Variants in NKAIN3 observed in about 807,000 individuals in gnomAD.
NKAIN3 encodes the protein sodium/potassium transporting ATPase interacting 3, also known as sodium/potassium-transporting ATPase subunit beta-1-interacting protein 3.
A neutral mutation model predicts 30.2 loss-of-function variants in NKAIN3; 25 were observed. The ratio of observed to expected loss-of-function variants is 0.83; its 90% CI spans 0.60 to 1.16. NKAIN3 has a LOEUF of 1.16. Ranked by LOEUF, NKAIN3 falls within the 50% of genes most tolerant of loss-of-function variation. NKAIN3 has a pLI of 0.00. For synonymous variants in NKAIN3, 91 were observed against 89.6 expected, an observed-to-expected ratio of 1.02 and a Z score of -0.09; for missense variants, 225 against 254.1, an observed-to-expected ratio of 0.89 and a Z score of 0.78.
At chr8:62,864,154 C>A (rs1586284257) in intron 4 of NKAIN3, 1 of 624,840 alleles carries the variant, frequency 1.6e-6, no homozygotes, top group Non-Finnish European at 2.8e-6. Context: ...ACCAGCCGGG[C>A]TGCGGCTTTC....
intron 3 of NKAIN3, among the ~76,000 whole-genome samples, chr8:62,664,076 A>T (rs1185504863): frequency 1.3e-5 from 2 of 152,052 alleles, no homozygotes; most frequent in Non-Finnish European, 2.9e-5. Context: ...AACATGCATG[A>T]TCTTTCCCAA....
chr8:62,572,553 A>C (rs931526067), intron 1 of NKAIN3, among the ~76,000 whole-genome samples: 37 of 152,286 alleles, frequency 2.4e-4, no homozygotes, highest in Admixed American at 2.2e-3. Context: ...CTGTTTCCAC[A>C]CTGCTGATAA....
chr8:62,567,286 C>T (rs1428819148), intron 1 of NKAIN3, among the ~76,000 whole-genome samples: 1 of 152,078 alleles, frequency 6.6e-6, no homozygotes, highest in Non-Finnish European at 1.5e-5. Context: ...CAAGATTCTT[C>T]TTAGACTGGT....
chr8:62,939,560 C>T (rs1430731931), intron 5 of NKAIN3, among the ~76,000 whole-genome samples: 1 of 152,148 alleles, frequency 6.6e-6, no homozygotes, highest in Non-Finnish European at 1.5e-5. Flanking sequence ...GATTTCTCAG[C>T]AGAAACCCTA....
At chr8:62,796,789 T>TACACAC (rs144656283) in intron 4 of NKAIN3, among the ~76,000 whole-genome samples, 4,661 of 146,146 alleles carry the variant, frequency 0.032, 120 homozygotes, top group African/African-American at 0.078. Flanking sequence ...GTATCACACA[T>TACACAC]ACACACACAC....
chr8:62,494,456 C>T (rs1281822657), intron 1 of NKAIN3, among the ~76,000 whole-genome samples: 1 of 152,124 alleles, frequency 6.6e-6, no homozygotes, highest in Non-Finnish European at 1.5e-5. Context: ...CAATGTTCAT[C>T]AAGAATATTG....
At chr8:62,369,326 T>G (rs1226159199) in intron 1 of NKAIN3, among the ~76,000 whole-genome samples, 1 of 152,134 alleles carries the variant, frequency 6.6e-6, no homozygotes, top group Non-Finnish European at 1.5e-5. Context: ...TCTTTTTTGG[T>G]GAATTCACTT....
intron 1 of NKAIN3, among the ~76,000 whole-genome samples, chr8:62,449,653 C>T (rs754803411): frequency 5.3e-5 from 8 of 151,794 alleles, no homozygotes; most frequent in South Asian, 2.1e-4. Context: ...TTTTTCAGAA[C>T]GTATAAGTTT....
intron 3 of NKAIN3, among the ~76,000 whole-genome samples, chr8:62,626,893 C>A (rs1442317638): frequency 6.6e-6 from 1 of 152,086 alleles, no homozygotes; most frequent in Non-Finnish European, 1.5e-5. Context: ...ACAATTAAAT[C>A]TGTTCAACAT....
At chr8:62,483,424 T>G in intron 1 of NKAIN3, 1 of 199,832 alleles carries the variant, frequency 5.0e-6, no homozygotes, top group Non-Finnish European at 1.1e-5. Flanking sequence ...TTTCATAAAG[T>G]ATTATTCGGC....
At chr8:62,737,773 T>C (rs553246221) in intron 3 of NKAIN3, among the ~76,000 whole-genome samples, 1 of 152,350 alleles carries the variant, frequency 6.6e-6, no homozygotes, top group Non-Finnish European at 1.5e-5. Context: ...GTGTTGGCTA[T>C]AGTATGTGCT....
At chr8:62,410,556 G>A (rs1478954374) in intron 1 of NKAIN3, among the ~76,000 whole-genome samples, 2 of 151,920 alleles carry the variant, frequency 1.3e-5, no homozygotes, top group African/African-American at 4.8e-5. Flanking sequence ...AAAGATCAGT[G>A]AAACCAAGAA....
intron 1 of NKAIN3, 73 bp downstream of exon 1, chr8:62,249,200 G>A (rs1322797037): frequency 2.7e-5 from 35 of 1,292,760 alleles, no homozygotes; most frequent in Non-Finnish European, 3.5e-5. Flanking sequence ...TCCCTCTGCG[G>A]TTCCGCAGCT....
chr8:62,815,194 C>A (rs1200318516), intron 4 of NKAIN3, among the ~76,000 whole-genome samples: 1 of 152,016 alleles, frequency 6.6e-6, no homozygotes, highest in African/African-American at 2.4e-5. Flanking sequence ...TCTGAATAGA[C>A]CAATAACAGG....
intron 4 of NKAIN3, among the ~76,000 whole-genome samples, chr8:62,808,093 T>A (rs747311658): frequency 5.3e-5 from 8 of 152,134 alleles, no homozygotes; most frequent in Non-Finnish European, 1.2e-4. Flanking sequence ...TCATGTTAAT[T>A]TTGTCTAGTT....
rs954456333 is a variant in NKAIN3, at chr8:62,975,199, T to C, written c.*9792T>C. Among the ~76,000 whole-genome samples, 5 of 152,160 alleles carry C rather than the reference T, an allele frequency of 3.3e-5. No individual in the cohort carries two copies. The highest frequency in any genetic ancestry group is 1.2e-4 in the African/African-American group (5 of 41,450). ...AAAATATGAGTTAGGGAGGAGTCTG[T>C]CTTTTCTACTGTTTGGAATAGTTTC... is the stretch of plus-strand genomic sequence containing the variant. On this transcript the variant is annotated 3_prime_UTR_variant, in exon 7 of 7. Coordinates refer to ENST00000623646, the MANE Select transcript of NKAIN3 (RefSeq NM_001304533.3).
chr8:62,278,066 A>G (rs1453763537), intron 1 of NKAIN3, among the ~76,000 whole-genome samples: 4 of 152,154 alleles, frequency 2.6e-5, no homozygotes, highest in South Asian at 4.1e-4. Flanking sequence ...ATAGAGAGGA[A>G]CAAGGCGTTG....
At chr8:62,913,386 A>G (rs1821983726) in intron 4 of NKAIN3, among the ~76,000 whole-genome samples, 1 of 152,202 alleles carries the variant, frequency 6.6e-6, no homozygotes, top group Non-Finnish European at 1.5e-5. Flanking sequence ...TGTCAATAGG[A>G]ATTTTCAGCC....
chr8:62,624,858 A>G (rs1256647052), intron 3 of NKAIN3, among the ~76,000 whole-genome samples: 1 of 151,146 alleles, frequency 6.6e-6, no homozygotes, highest in African/African-American at 2.4e-5. Context: ...TCTCAAACTC[A>G]GAGATTATTT....
Sources: allele counts gnomAD v4.1 joint callset (sites outside exome capture counted in the v4.1 genomes callset), GRCh38; gene constraint gnomAD v4.1.1; transcripts MANE v1.5; gene names NCBI Gene and HGNC (gene_info 2026-07-23, HGNC 2026-07-21).